The following GLG1 variants were observed in gnomAD, a reference collection of about 807,000 sequenced individuals.
GLG1 encodes the protein golgi glycoprotein 1, also known as Golgi apparatus protein 1.
GLG1 carries 38 observed loss-of-function variants against 160.5 expected under a neutral mutation model. The ratio of observed to expected loss-of-function variants is 0.24; its 90% CI spans 0.18 to 0.31. The LOEUF (loss-of-function observed/expected upper bound fraction) is 0.31, where lower values mean the gene tolerates loss of function less well. GLG1 is among the 10% of genes least tolerant of loss of function. The pLI is 1.00. For missense variants in GLG1, 1,373 were observed against 1,505.2 expected, an observed-to-expected ratio of 0.91 and a Z score of 1.45; for synonymous variants, 644 against 543.4, an observed-to-expected ratio of 1.19 and a Z score of -2.57.
intron 1 of GLG1, among the ~76,000 whole-genome samples, chr16:74,582,552 G>C (rs919436467): frequency 6.6e-6 from 1 of 152,022 alleles, no homozygotes; most frequent in Non-Finnish European, 1.5e-5. Flanking sequence ...CGGGCGTGGG[G>C]GCTCACGCCT....
At chr16:74,578,128 A>G (rs1312380155) in intron 1 of GLG1, among the ~76,000 whole-genome samples, 2 of 152,202 alleles carry the variant, frequency 1.3e-5, no homozygotes, top group Non-Finnish European at 2.9e-5. Context: ...TTTTTGTTTA[A>G]TTAGACCTAA....
At chr16:74,486,439 A>C (rs1272634988) in intron 8 of GLG1, among the ~76,000 whole-genome samples, 1 of 152,244 alleles carries the variant, frequency 6.6e-6, no homozygotes, top group East Asian at 1.9e-4. Context: ...AATTACAAAA[A>C]ACAGGATTAT....
chr16:74,508,661 C>T (rs1238909651), intron 3 of GLG1, among the ~76,000 whole-genome samples, 178 bp downstream of exon 3: 5 of 152,028 alleles, frequency 3.3e-5, no homozygotes, highest in Non-Finnish European at 5.9e-5. Flanking sequence ...CTAATGTAAG[C>T]GTAGGTGGAC....
intron 4 of GLG1, among the ~76,000 whole-genome samples, chr16:74,497,201 A>G (rs1248015750): frequency 1.3e-5 from 2 of 151,666 alleles, no homozygotes. Flanking sequence ...AGGCAGGAGA[A>G]TCACTTGAAC....
chr16:74,605,440 G>A (rs938462352), intron 1 of GLG1, among the ~76,000 whole-genome samples: 3 of 152,148 alleles, frequency 2.0e-5, no homozygotes, highest in Non-Finnish European at 4.4e-5. Context: ...TGTCCTCAAA[G>A]AGCGAAAAGA....
chr16:74,582,964 T>C (rs1042165263), intron 1 of GLG1, among the ~76,000 whole-genome samples: 1 of 152,202 alleles, frequency 6.6e-6, no homozygotes, highest in African/African-American at 2.4e-5. Context: ...CTACTCTAGT[T>C]ACCCAAGGGT....
rs959872551 is a variant in GLG1 at position 74,598,905 on chromosome 16, A to AAT, written c.438+7750_438+7751dup. Among the ~76,000 whole-genome samples, 122 of 150,262 alleles carry AAT rather than the reference A, an allele frequency of 8.1e-4. 1 individual carries two copies. Among genetic ancestry groups the AAT allele is most frequent in the South Asian group, 5.6e-3 (27 of 4,782 alleles). ...TCAAAACAACAACAACAAATATATA[A>AAT]ATATATATATATATAACTTATATAA... is the stretch of plus-strand genomic sequence containing the variant. On this transcript the variant is annotated intron_variant, in intron 1 of 25. Transcript: ENST00000422840.
chr16:74,548,666 TC>T (rs11353082), intron 1 of GLG1, among the ~76,000 whole-genome samples: 100,566 of 150,770 alleles, frequency 0.67, 33,590 homozygotes, highest in East Asian at 0.81. Context: ...CTCTAAAAAT[TC>T]CCATAAGACT....
chr16:74,461,286 G>A (rs1239628251), intron 22 of GLG1, among the ~76,000 whole-genome samples: 1 of 150,276 alleles, frequency 6.7e-6, no homozygotes, highest in East Asian at 2.0e-4. Context: ...TCCTGCCTTA[G>A]CCTCCCGGGT....
chr16:74,564,405 C>CTT (rs1245431193), intron 1 of GLG1, among the ~76,000 whole-genome samples: 1 of 152,200 alleles, frequency 6.6e-6, no homozygotes, highest in Non-Finnish European at 1.5e-5. Context: ...ACTCCAAACT[C>CTT]TTAGTATTAT....
chr16:74,552,206 T>G (rs983010264), intron 1 of GLG1: 2 of 476,042 alleles, frequency 4.2e-6, no homozygotes, highest in Admixed American at 2.7e-5. Context: ...CTCTGTTAAG[T>G]TGCAGGTCTC....
In GLG1 at chr16:74,559,210, T is replaced by C. The variant is rs372562972; in HGVS notation, c.439-27057A>G. ...CGAGGTATCTGAGTACATTTCCTTA[T>C]TTCCTGCTTCATATGACTTTTACTA... On this transcript the variant is annotated intron_variant, in intron 1 of 25. Transcript: ENST00000422840. 1.6e-3 allele frequency among the ~76,000 whole-genome samples: 245 copies of C among 152,244 alleles called. 2 individuals are homozygous for C. The highest frequency in any genetic ancestry group is 6.8e-3 in the Middle Eastern group (2 of 294).
At chr16:74,595,069 T>A (rs1958268007) in intron 1 of GLG1, among the ~76,000 whole-genome samples, 2 of 151,694 alleles carry the variant, frequency 1.3e-5, no homozygotes, top group East Asian at 1.9e-4. Context: ...ACGCCTGTAG[T>A]CCCAGCTACT....
Position 74,606,743 on chromosome 16 carries a change from A to G in GLG1, c.352T>C (p.Cys118Arg). The change falls in exon 1 of 26, where the codon TGC becomes CGC. Residue 118 changes from cysteine (C) to arginine (R), a missense_variant. By Grantham distance (180) the Cys-to-Arg change is radical. Around this residue, in one of 4 missense-constraint regions of GLG1, gnomAD observed 322 missense variants for 254.6 expected, o/e 1.26. Transcript: ENST00000422840. ...GGWKLAEEES[C>R]REDVTRVCPK... Reference sequence around the variant, plus strand: ...CACACGCGGGTCACGTCCTCCCTGCAGGACTCTTCCTCCGCCAGCTTCCAG... The same window carrying G: ...CACACGCGGGTCACGTCCTCCCTGCGGGACTCTTCCTCCGCCAGCTTCCAG... The G allele has an allele frequency of 6.2e-7, 1 of 1,613,350 alleles. No individual in the cohort carries two copies. Among genetic ancestry groups the G allele is most frequent in the Non-Finnish European group, 8.5e-7 (1 of 1,179,564 alleles).
At chr16:74,472,291 G>A (rs867478917) in intron 14 of GLG1, 58 bp downstream of exon 14, 2 of 1,112,946 alleles carry the variant, frequency 1.8e-6, no homozygotes, top group Middle Eastern at 3.9e-4. Flanking sequence ...ATACTCAGGG[G>A]AGAGTCCCTG....
intron 1 of GLG1, among the ~76,000 whole-genome samples, chr16:74,576,736 T>C (rs2019014932): frequency 2.0e-5 from 3 of 152,122 alleles, no homozygotes; most frequent in African/African-American, 4.8e-5. Flanking sequence ...GGTACAAAAA[T>C]TGCTAAACAA....
chr16:74,585,155 C>A (rs565530498), intron 1 of GLG1, among the ~76,000 whole-genome samples: 1 of 152,184 alleles, frequency 6.6e-6, no homozygotes, highest in African/African-American at 2.4e-5. Context: ...TGTCTGTAAT[C>A]CCAGCACTGT....
chr16:74,530,257 A>T (rs2017488896), intron 2 of GLG1, among the ~76,000 whole-genome samples: 1 of 152,202 alleles, frequency 6.6e-6, no homozygotes, highest in African/African-American at 2.4e-5. Context: ...ATCTCTATCC[A>T]TTCTTTTAAC....
intron 1 of GLG1, among the ~76,000 whole-genome samples, chr16:74,578,520 G>C (rs1232307949): frequency 6.6e-6 from 1 of 152,056 alleles, no homozygotes; most frequent in Non-Finnish European, 1.5e-5. Context: ...TTAAAAATTA[G>C]GTAAATAAGA....
Sources: allele counts gnomAD v4.1 joint callset (sites outside exome capture counted in the v4.1 genomes callset), GRCh38; gene constraint gnomAD v4.1.1; regional missense constraint gnomAD v4.1.1; transcripts MANE v1.5; gene names NCBI Gene and HGNC (gene_info 2026-07-23, HGNC 2026-07-21).